Variants in RASA2 observed in about 807,000 individuals in gnomAD.
RASA2 encodes the protein RAS p21 protein activator 2.
A neutral mutation model predicts 118.2 loss-of-function variants in RASA2; 155 were observed. That is an observed-to-expected ratio of 1.31 (90% CI 1.15 to 1.50). The LOEUF (loss-of-function observed/expected upper bound fraction) is 1.50, where lower values mean the gene tolerates loss of function less well. Among genes scored for constraint, RASA2 ranks in the 40% most tolerant of loss-of-function variants. The pLI is 0.00. For missense variants in RASA2, 1,016 were observed against 1,009.6 expected (o/e 1.01, Z -0.09); for synonymous variants, 353 against 349.1 (o/e 1.01, Z -0.12).
rs114000432 is a variant in RASA2, at chr3:141,599,131, C to T, written c.1934-8547C>T. On this transcript the variant is annotated intron_variant, in intron 19 of 23. Transcript: ENST00000286364. ...AATAAATTTAACCAAAGAAGTACAACACCTCTACACTGAAACTACAAAACA... is the reference window on the plus strand; with the variant it reads ...AATAAATTTAACCAAAGAAGTACAATACCTCTACACTGAAACTACAAAACA... Among the ~76,000 whole-genome samples, 781 of 151,710 alleles carry T rather than the reference C, an allele frequency of 5.1e-3. 8 individuals carry two copies. Among genetic ancestry groups the T allele is most frequent in the African/African-American group, 0.018 (748 of 41,366 alleles).
At chr3:141,579,075 G>A (rs549196982) in intron 15 of RASA2, among the ~76,000 whole-genome samples, 13 of 151,994 alleles carry the variant, frequency 8.6e-5, no homozygotes, top group African/African-American at 3.1e-4. Flanking sequence ...TTATATTCTG[G>A]TCATCTCTTC....
At chr3:141,508,648 G>T (rs2081905193) in intron 1 of RASA2, among the ~76,000 whole-genome samples, 1 of 152,088 alleles carries the variant, frequency 6.6e-6, no homozygotes, top group African/African-American at 2.4e-5. Flanking sequence ...CAAAGTGTTG[G>T]GATTACAGGC....
At chr3:141,500,343 A>G (rs1160925222) in intron 1 of RASA2, among the ~76,000 whole-genome samples, 2 of 152,164 alleles carry the variant, frequency 1.3e-5, no homozygotes, top group African/African-American at 4.8e-5. Flanking sequence ...TCCTTTCTCC[A>G]TTCAGAACTG....
chr3:141,612,635 CTCT>C lies in RASA2; in HGVS notation c.*327_*329del. The C allele has an allele frequency of 4.0e-6, 1 of 251,218 alleles. No individual in the cohort carries two copies. Among genetic ancestry groups the C allele is most frequent in the South Asian group, 5.8e-5 (1 of 17,334 alleles). The allele number at this position is 251,218 out of a possible 1,614,324, so 15.6% of individuals were successfully genotyped here. On this transcript the variant is annotated 3_prime_UTR_variant, in exon 24 of 24. Coordinates refer to ENST00000286364, the MANE Select transcript of RASA2 (RefSeq NM_006506.5). ...GAACTCCTCCGTAGCAAGAAACCAT[CTCT>C]TCTTGTAACACTCTGTTCTGTGGAC... is the stretch of plus-strand genomic sequence containing the variant.
At chr3:141,515,558 A>G (rs571537257) in intron 2 of RASA2, among the ~76,000 whole-genome samples, 2 of 152,302 alleles carry the variant, frequency 1.3e-5, no homozygotes, top group Admixed American at 6.5e-5. Context: ...GGGCTTTTCA[A>G]ATTCTTTTCA....
At chr3:141,539,284 A>T (rs1181643004) in intron 4 of RASA2, among the ~76,000 whole-genome samples, 1 of 152,184 alleles carries the variant, frequency 6.6e-6, no homozygotes, top group African/African-American at 2.4e-5. Flanking sequence ...AGATTTGCTT[A>T]ATTTAGTTCC....
intron 3 of RASA2, among the ~76,000 whole-genome samples, chr3:141,517,088 A>G (rs2082039055): frequency 6.6e-6 from 1 of 152,164 alleles, no homozygotes; most frequent in Non-Finnish European, 1.5e-5. Context: ...ACTCTTTCTT[A>G]CGGAGCACCT....
intron 19 of RASA2, chr3:141,600,221 G>T (rs554949662): frequency 1.9e-5 from 9 of 477,334 alleles, no homozygotes; most frequent in African/African-American, 1.8e-4. Flanking sequence ...ATGGAGATGT[G>T]TAAAAAGGTT....
intron 4 of RASA2, among the ~76,000 whole-genome samples, chr3:141,535,262 A>G (rs973620703): frequency 6.6e-6 from 1 of 152,208 alleles, no homozygotes; most frequent in Non-Finnish European, 1.5e-5. Flanking sequence ...TATATACACT[A>G]GAAAACCAAA....
At chr3:141,501,302 A>C (rs2081775654) in intron 1 of RASA2, among the ~76,000 whole-genome samples, 1 of 152,222 alleles carries the variant, frequency 6.6e-6, no homozygotes, top group South Asian at 2.1e-4. Flanking sequence ...CTCCTCTGTT[A>C]TACCCAGTTG....
chr3:141,549,068 A>G (rs901043810), intron 5 of RASA2, among the ~76,000 whole-genome samples: 7 of 152,182 alleles, frequency 4.6e-5, no homozygotes, highest in African/African-American at 7.2e-5. Flanking sequence ...TAATACAGCT[A>G]TAAGATTCTC....
At chr3:141,552,178 A>C (rs1030141319) in intron 5 of RASA2, among the ~76,000 whole-genome samples, 8 of 152,094 alleles carry the variant, frequency 5.3e-5, no homozygotes, top group Admixed American at 1.3e-4. Context: ...TCGTTTCATA[A>C]GTTTTTTATA....
At chr3:141,520,308 A>C (rs538630899) in intron 3 of RASA2, among the ~76,000 whole-genome samples, 93 of 151,764 alleles carry the variant, frequency 6.1e-4, no homozygotes, top group Non-Finnish European at 1.0e-3. Flanking sequence ...ACCACGCCCC[A>C]CCAGGAAGAA....
At chr3:141,528,190 A>G (rs564118373) in intron 3 of RASA2, among the ~76,000 whole-genome samples, 5 of 152,058 alleles carry the variant, frequency 3.3e-5, no homozygotes, top group Non-Finnish European at 7.4e-5. Flanking sequence ...AAACTCTTTA[A>G]TAAAATACAG....
At chr3:141,532,826 G>A (rs1222903665) in intron 4 of RASA2, among the ~76,000 whole-genome samples, 3 of 152,096 alleles carry the variant, frequency 2.0e-5, no homozygotes, top group African/African-American at 4.8e-5. Context: ...TGGAAACTGA[G>A]ACCCACTAAT....
At chr3:141,508,172 T>C (rs1234967188) in intron 1 of RASA2, among the ~76,000 whole-genome samples, 1 of 151,808 alleles carries the variant, frequency 6.6e-6, no homozygotes, top group East Asian at 1.9e-4. Context: ...ATGAATTAAG[T>C]GGTCTGTGGA....
In RASA2 at chr3:141,615,098, T is replaced by C. The variant is rs1240130240; in HGVS notation, c.*2785T>C. 2 of 152,222 alleles carry C rather than the reference T, an allele frequency of 1.3e-5. No homozygotes were observed. The highest frequency in any genetic ancestry group is 2.4e-5 in the African/African-American group (1 of 41,466). The allele number at this position is 152,222 out of a possible 1,614,324, so 9.4% of individuals were successfully genotyped here. A position where few individuals can be genotyped will look rare whatever the true frequency, so the allele number is the denominator to read the frequency against. ...TCTAGAGTTAAATTACCAATCTTGGTTGATATTATCTGCTTCCATTTTTAT... is the reference window on the plus strand; with the variant it reads ...TCTAGAGTTAAATTACCAATCTTGGCTGATATTATCTGCTTCCATTTTTAT... On this transcript the variant is annotated 3_prime_UTR_variant, in exon 24 of 24. Transcript: ENST00000286364.
rs1190189763 is a variant in RASA2, at chr3:141,614,318, A to G, written c.*2005A>G. On this transcript the variant is annotated 3_prime_UTR_variant, in exon 24 of 24. Transcript: ENST00000286364. ...CTTCACATGACACTTTTAAACAGCC[A>G]GTTTGACTGGAATTAACCAACTTGG... 3 of 152,216 alleles carry G rather than the reference A, an allele frequency of 2.0e-5. No homozygotes were observed. The highest frequency in any genetic ancestry group is 4.4e-5 in the Non-Finnish European group (3 of 68,030). 9.4% of individuals were successfully genotyped at this position (152,216 alleles called of 1,614,324 possible). A position where few individuals can be genotyped will look rare whatever the true frequency, so the allele number is the denominator to read the frequency against.
intron 3 of RASA2, among the ~76,000 whole-genome samples, chr3:141,519,856 T>G: frequency 6.6e-6 from 1 of 152,118 alleles, no homozygotes; most frequent in East Asian, 1.9e-4. Context: ...AGTCTAATAC[T>G]AATATATTAA....
Sources: gnomAD v4.1 joint callset for allele counts (sites outside exome capture counted in the v4.1 genomes callset) on GRCh38, gnomAD v4.1.1 for gene constraint, MANE v1.5 for transcripts, NCBI Gene and HGNC (gene_info 2026-07-23, HGNC 2026-07-21) for gene names.